The following MCPH1 variants were observed in gnomAD, a reference collection of about 807,000 sequenced individuals.
The protein encoded by MCPH1 is microcephalin.
Under a neutral mutation model 84.5 loss-of-function variants are expected in MCPH1, and 104 were observed. The observed-to-expected ratio is 1.23, with a 90% CI of 1.05 to 1.45. The LOEUF (loss-of-function observed/expected upper bound fraction) is 1.45. Ranked by LOEUF, MCPH1 falls within the 40% of genes most tolerant of loss-of-function variation. The pLI, the probability that MCPH1 is intolerant of heterozygous loss-of-function variation, is 0.00. For synonymous variants in MCPH1, 514 were observed against 366.8 expected (o/e 1.40, Z -4.58); for missense variants, 1,498 against 1,005.7 (o/e 1.49, Z -6.62).
intron 13 of MCPH1, chr8:6,624,884 T>C: frequency 1.0e-6 from 1 of 984,184 alleles, no homozygotes; most frequent in Non-Finnish European, 1.2e-6. Context: ...CTTTTTTTTT[T>C]TTTTTTCTGA....
chr8:6,507,511 G>A (rs1363142432), intron 12 of MCPH1: 2 of 149,418 alleles, frequency 1.3e-5, no homozygotes, highest in East Asian at 2.0e-4. Flanking sequence ...ACTAAGTAGC[G>A]TTTGTTCCTG....
At chr8:6,465,728 A>G (rs529429621) in intron 9 of MCPH1, among the ~76,000 whole-genome samples, 1 of 152,074 alleles carries the variant, frequency 6.6e-6, no homozygotes, top group Non-Finnish European at 1.5e-5. Context: ...GACATCAGAG[A>G]CTCATGTTAA....
intron 12 of MCPH1, among the ~76,000 whole-genome samples, chr8:6,510,875 T>G (rs1814925498): frequency 6.6e-6 from 1 of 152,194 alleles, no homozygotes; most frequent in Non-Finnish European, 1.5e-5. Flanking sequence ...CATGTGAGTC[T>G]CAGTATTTTC....
At chr8:6,410,439 C>T (rs1036402317) in intron 2 of MCPH1, among the ~76,000 whole-genome samples, 5 of 152,102 alleles carry the variant, frequency 3.3e-5, no homozygotes, top group Admixed American at 3.3e-4. Context: ...GTGAAATGGG[C>T]AGGAATCATT....
chr8:6,632,184 G>A lies in MCPH1; in HGVS notation c.2452+10493G>A, dbSNP rs527451299. ...GAATTACCAAGGGTGGAGTAGGCAG[G>A]AAGGGAGTGGAGAATTATTGTTTAA... On this transcript the variant is annotated intron_variant, in intron 13 of 13. Transcript: ENST00000344683. Among the ~76,000 whole-genome samples, 4 of 152,222 alleles carry A rather than the reference G, an allele frequency of 2.6e-5. No homozygotes were observed. In the South Asian group the frequency reaches 6.2e-4, roughly 24 times the overall value.
chr8:6,474,165 C>T (rs2129558934), intron 9 of MCPH1: 1 of 745,060 alleles, frequency 1.3e-6, no homozygotes, highest in East Asian at 2.5e-5. Flanking sequence ...ATTTGGTTAT[C>T]TAACTCATCA....
At chr8:6,426,070 A>G (rs1801014760) in intron 3 of MCPH1, among the ~76,000 whole-genome samples, 1 of 152,170 alleles carries the variant, frequency 6.6e-6, no homozygotes, top group African/African-American at 2.4e-5. Context: ...AAGCACAGTT[A>G]AAAAACATTT....
chr8:6,512,420 G>A (rs1003575309), intron 12 of MCPH1, among the ~76,000 whole-genome samples: 1 of 152,140 alleles, frequency 6.6e-6, no homozygotes, highest in Non-Finnish European at 1.5e-5. Context: ...GAGACTGTAG[G>A]TCAGATGATG....
intron 12 of MCPH1, chr8:6,501,084 A>C (rs1257773870): frequency 1.3e-5 from 2 of 152,214 alleles, no homozygotes; most frequent in Non-Finnish European, 2.9e-5. Context: ...AAACCTTCTT[A>C]AATATAAAGT....
intron 13 of MCPH1, among the ~76,000 whole-genome samples, chr8:6,628,307 A>G (rs1796901523): frequency 6.6e-6 from 1 of 151,934 alleles, no homozygotes. Context: ...CGTCTCTATT[A>G]AAAATACAGA....
intron 12 of MCPH1, among the ~76,000 whole-genome samples, chr8:6,577,022 C>G (rs888759936): frequency 6.6e-6 from 1 of 152,248 alleles, no homozygotes; most frequent in Admixed American, 6.5e-5. Context: ...GCCCCCTTTG[C>G]CACGGAACCT....
chr8:6,422,916 C>T (rs1800445378), intron 3 of MCPH1, among the ~76,000 whole-genome samples: 1 of 151,812 alleles, frequency 6.6e-6, no homozygotes, highest in Non-Finnish European at 1.5e-5. Context: ...TCTCGATCTC[C>T]TGACCTTGTG....
chr8:6,502,881 C>T (rs953556067), intron 12 of MCPH1: 7 of 539,344 alleles, frequency 1.3e-5, no homozygotes, highest in South Asian at 2.7e-5. Flanking sequence ...TCTGTCTAAT[C>T]ACAATTATGG....
At chr8:6,478,369 A>G (rs1808750015) in intron 10 of MCPH1, among the ~76,000 whole-genome samples, 1 of 152,226 alleles carries the variant, frequency 6.6e-6, no homozygotes, top group African/African-American at 2.4e-5. Context: ...TTGTAAATAT[A>G]TTATGAAATA....
chr8:6,543,778 T>G (rs1459193700), intron 12 of MCPH1, among the ~76,000 whole-genome samples: 1 of 152,170 alleles, frequency 6.6e-6, no homozygotes, highest in African/African-American at 2.4e-5. Context: ...CTCCCAAGTA[T>G]TTAAAGCTGC....
chr8:6,414,776 T>A lies in MCPH1; in HGVS notation c.126T>A (p.Thr42=). 6.2e-7 allele frequency: 1 copy of A among 1,613,752 alleles called. No homozygotes were observed. Among genetic ancestry groups the A allele is most frequent in the East Asian group, 2.2e-5 (1 of 44,858 alleles). ...CATTTTGTCTACAGGTTTCAAAAAC[T>A]TTTAACAAACAAGTAACTCACGTTA... ...LVDMGAKVSK[T]FNKQVTHVIF... Residue 42 remains threonine (T), a synonymous_variant, in exon 3 of 14, where the codon ACT becomes ACA. Transcript: ENST00000344683.
Position 6,476,256 on chromosome 8 carries a change from C to T in MCPH1, c.1936-1338C>T, listed in dbSNP as rs144373897. 1.9e-3 allele frequency among the ~76,000 whole-genome samples: 282 copies of T among 152,100 alleles called. 2 individuals are homozygous for T. Among genetic ancestry groups the T allele is most frequent in the African/African-American group, 6.5e-3 (270 of 41,492 alleles). On this transcript the variant is annotated intron_variant, in intron 9 of 13. Transcript: ENST00000344683. ...CCAGCCTGGCCAACATGGTGGAACCCTGTCTCTACTAGAAATACAAAAATT... is the reference window on the plus strand; with the variant it reads ...CCAGCCTGGCCAACATGGTGGAACCTTGTCTCTACTAGAAATACAAAAATT...
intron 12 of MCPH1, among the ~76,000 whole-genome samples, chr8:6,604,929 A>T (rs1829644497): frequency 6.6e-6 from 1 of 152,284 alleles, no homozygotes; most frequent in African/African-American, 2.4e-5. Flanking sequence ...CAAGAAGATC[A>T]GAAGGAACCA....
In MCPH1 at chr8:6,499,751, G is replaced by T. The variant is rs1429157652; in HGVS notation, c.2137-101G>T. On this transcript the variant is annotated intron_variant, in intron 11 of 13. Coordinates refer to ENST00000344683, the MANE Select transcript of MCPH1 (RefSeq NM_024596.5). ...GAGAACACATCTATTTCAGATCTGC[G>T]GAGTGTATCACTTTTTGCTGTGTCT... 5.3e-6 allele frequency: 5 copies of T among 937,132 alleles called. No individual in the cohort carries two copies. The East Asian group carries it at 1.2e-4, about 22-fold the overall frequency. 58.1% of individuals were successfully genotyped at this position (937,132 alleles called of 1,614,324 possible).
Sources: allele counts gnomAD v4.1 joint callset (sites outside exome capture counted in the v4.1 genomes callset), GRCh38; gene constraint gnomAD v4.1.1; transcripts MANE v1.5; gene names NCBI Gene and HGNC (gene_info 2026-07-23, HGNC 2026-07-21).